SRP54: variants seen among roughly 807,000 people sequenced by gnomAD.
SRP54 encodes the protein signal recognition particle 54.
Under a neutral mutation model 64.8 loss-of-function variants are expected in SRP54, and 10 were observed. That is an observed-to-expected ratio of 0.15 (90% CI 0.10 to 0.26). The LOEUF (loss-of-function observed/expected upper bound fraction) is 0.26, where lower values mean the gene tolerates loss of function less well. Among genes scored for constraint, SRP54 ranks in the 10% least tolerant of loss-of-function variants. The pLI, the probability that SRP54 is intolerant of heterozygous loss-of-function variation, is 1.00. For missense variants in SRP54, 325 were observed against 613.7 expected (o/e 0.53, Z 4.97); for synonymous variants, 193 against 185.6 (o/e 1.04, Z -0.32).
intron 13 of SRP54, among the ~76,000 whole-genome samples, chr14:35,022,698 T>C (rs1417419412): frequency 6.6e-6 from 1 of 152,184 alleles, no homozygotes; most frequent in African/African-American, 2.4e-5. Context: ...ATAGCGAATG[T>C]TAACATTTGT....
chr14:35,007,436 A>T, intron 5 of SRP54, 49 bp downstream of exon 5: 1 of 1,203,564 alleles, frequency 8.3e-7, no homozygotes, highest in Non-Finnish European at 1.1e-6. Context: ...ATAGGTTTGT[A>T]TAAATCAAGT....
At chr14:35,010,430 G>A (rs540059864) in intron 7 of SRP54, among the ~76,000 whole-genome samples, 1 of 151,822 alleles carries the variant, frequency 6.6e-6, no homozygotes, top group Non-Finnish European at 1.5e-5. Flanking sequence ...TGGGCAACAA[G>A]AGCAAAACTG....
At chr14:34,991,082 T>C (rs560596676) in intron 1 of SRP54, among the ~76,000 whole-genome samples, 121 of 151,462 alleles carry the variant, frequency 8.0e-4, no homozygotes, top group Non-Finnish European at 1.4e-3. Context: ...CAAAAATCCC[T>C]GCCCTTGTGC....
intron 1 of SRP54, among the ~76,000 whole-genome samples, chr14:34,992,190 C>T (rs759373988): frequency 6.6e-6 from 1 of 152,186 alleles, no homozygotes; most frequent in Non-Finnish European, 1.5e-5. Context: ...GCCTTGGCCT[C>T]CCAAAGTGCT....
chr14:35,019,918 G>A (rs1350120988), intron 13 of SRP54, among the ~76,000 whole-genome samples: 3 of 152,224 alleles, frequency 2.0e-5, no homozygotes, highest in Admixed American at 6.5e-5. Context: ...AGTGGCTCAC[G>A]ACGCCTGTAA....
intron 13 of SRP54, 198 bp downstream of exon 13, chr14:35,019,272 A>G (rs2044489013): frequency 2.3e-6 from 1 of 439,944 alleles, no homozygotes; most frequent in Non-Finnish European, 4.1e-6. Context: ...AGAAATGTCT[A>G]GTATAATACT....
intron 7 of SRP54, among the ~76,000 whole-genome samples, chr14:35,010,122 T>G (rs1384945496): frequency 1.3e-5 from 2 of 151,696 alleles, no homozygotes; most frequent in Non-Finnish European, 2.9e-5. Flanking sequence ...CCCTTCAGCC[T>G]GGGTGACAGA....
intron 2 of SRP54, among the ~76,000 whole-genome samples, chr14:34,997,154 G>T (rs574415203): frequency 6.6e-6 from 1 of 152,206 alleles, no homozygotes; most frequent in East Asian, 1.9e-4. Context: ...GGCTAGGCCT[G>T]TGCTTATCTG....
chr14:35,023,412 T>C (rs1474445904), intron 14 of SRP54, among the ~76,000 whole-genome samples: 1 of 152,134 alleles, frequency 6.6e-6, no homozygotes, highest in African/African-American at 2.4e-5. Flanking sequence ...TGGATCCTAC[T>C]GCAAATAACA....
chr14:35,001,772 T>A (rs1463844311), intron 4 of SRP54, among the ~76,000 whole-genome samples: 1 of 152,210 alleles, frequency 6.6e-6, no homozygotes, highest in Non-Finnish European at 1.5e-5. Flanking sequence ...GTGAAAGTTT[T>A]ATTTTCAAAT....
intron 14 of SRP54, among the ~76,000 whole-genome samples, chr14:35,024,287 C>T (rs2139026586): frequency 6.6e-6 from 1 of 152,294 alleles, no homozygotes; most frequent in Middle Eastern, 3.4e-3. Flanking sequence ...CCTCGGACTC[C>T]CAAAGTGCTG....
chr14:34,988,578 A>AAATATATATATATATATATATATCATAT (rs1384552218), intron 1 of SRP54, among the ~76,000 whole-genome samples: 2 of 47,100 alleles, frequency 4.2e-5, no homozygotes, highest in Non-Finnish European at 4.8e-5. Context: ...AAAAAAAAAA[A>AAATATATATATATATATATATATCATAT]ATATATATAT....
At chr14:34,986,890 G>T (rs534754670) in intron 1 of SRP54, among the ~76,000 whole-genome samples, 1 of 149,894 alleles carries the variant, frequency 6.7e-6, no homozygotes, top group East Asian at 2.0e-4. Flanking sequence ...AAAAAAAATT[G>T]CTAGTTATTC....
chr14:35,019,133 GTT>G (rs1171566415), intron 13 of SRP54, 59 bp downstream of exon 13: 2 of 1,184,824 alleles, frequency 1.7e-6, no homozygotes, highest in Admixed American at 1.9e-5. Context: ...TAAGATGAGA[GTT>G]TCACTGTATT....
chr14:34,997,362 G>T (rs189037796), intron 2 of SRP54, among the ~76,000 whole-genome samples: 2 of 152,176 alleles, frequency 1.3e-5, no homozygotes, highest in East Asian at 3.9e-4. Flanking sequence ...CCCACAGATT[G>T]TATCTTAGTG....
At chr14:35,020,928 GC>G (rs1191809679) in intron 13 of SRP54, among the ~76,000 whole-genome samples, 4 of 152,042 alleles carry the variant, frequency 2.6e-5, no homozygotes, top group African/African-American at 9.7e-5. Flanking sequence ...TTGAATTAAC[GC>G]CCCTTCCTCT....
intron 13 of SRP54, 197 bp downstream of exon 13, chr14:35,019,271 T>C: frequency 2.1e-6 from 1 of 472,822 alleles, no homozygotes; most frequent in East Asian, 3.8e-5. Context: ...GAGAAATGTC[T>C]AGTATAATAC....
chr14:35,018,653 A>G (rs775567289), intron 11 of SRP54, 39 bp from the exon 12 acceptor site: 2 of 1,514,236 alleles, frequency 1.3e-6, no homozygotes, highest in Non-Finnish European at 1.8e-6. Flanking sequence ...GGAAATGTAC[A>G]TACTTTAATA....
Position 34,999,542 on chromosome 14 carries a change from A to C in SRP54, c.79-16A>C, listed in dbSNP as rs1555353614. ...ACATTGGGTGCTTTAAATTTCATTT[A>C]TTTCTTTATTTTCAGGTATTGAATG... On this transcript the variant is annotated splice_polypyrimidine_tract_variant and intron_variant, in intron 2 of 15. Transcript: ENST00000216774. 1 of 1,588,364 alleles carries C rather than the reference A, an allele frequency of 6.3e-7. No individual in the cohort carries two copies. The highest frequency in any genetic ancestry group is 1.7e-4 in the Middle Eastern group (1 of 5,842).
Sources: allele counts gnomAD v4.1 joint callset (sites outside exome capture counted in the v4.1 genomes callset), GRCh38; gene constraint gnomAD v4.1.1; transcripts MANE v1.5; gene names NCBI Gene and HGNC (gene_info 2026-07-23, HGNC 2026-07-21).